Variants in SV2C observed in about 807,000 individuals in gnomAD.
The protein encoded by SV2C is synaptic vesicle glycoprotein 2C, also known as solute carrier family 22 member B3.
SV2C carries 49 observed loss-of-function variants against 79.7 expected under a neutral mutation model. That is an observed-to-expected ratio of 0.61 (90% CI 0.49 to 0.78). SV2C has a LOEUF of 0.78. Among genes scored for constraint, SV2C ranks in the 30% least tolerant of loss-of-function variants. SV2C has a pLI of 0.00. For synonymous variants in SV2C, 334 were observed against 333.2 expected (o/e 1.00, Z -0.03); for missense variants, 833 against 912.9 (o/e 0.91, Z 1.13).
At chr5:76,339,957 G>C (rs1319066804) in intron 12 of SV2C, among the ~76,000 whole-genome samples, 1 of 152,172 alleles carries the variant, frequency 6.6e-6, no homozygotes, top group Non-Finnish European at 1.5e-5. Flanking sequence ...GCTGACAGAA[G>C]ATACAGGTCA....
intron 10 of SV2C, among the ~76,000 whole-genome samples, chr5:76,299,336 T>TG (rs1312344553): frequency 2.0e-5 from 3 of 152,164 alleles, no homozygotes; most frequent in Admixed American, 1.3e-4. Flanking sequence ...ATCCATATAA[T>TG]GGGGTATTTT....
the SV2C span, among the ~76,000 whole-genome samples, chr5:76,023,348 C>T: frequency 1.3e-5 from 2 of 152,132 alleles, no homozygotes; most frequent in African/African-American, 2.4e-5. Flanking sequence ...GCTGCTCCTT[C>T]GTTTCCAAAG....
chr5:76,090,008 T>C (rs182026267), intron 1 of SV2C, among the ~76,000 whole-genome samples: 4 of 152,360 alleles, frequency 2.6e-5, no homozygotes. Context: ...GGATACCTTT[T>C]TGATGTATAA....
intron 4 of SV2C, chr5:76,281,205 A>G (rs1747183402): frequency 1.9e-6 from 1 of 532,832 alleles, no homozygotes. Context: ...CGACAAACAG[A>G]AAAGACAACA....
At chr5:76,130,523 T>C (rs74354145) in intron 1 of SV2C, among the ~76,000 whole-genome samples, 2,896 of 152,316 alleles carry the variant, frequency 0.019, 92 homozygotes, top group African/African-American at 0.066. Flanking sequence ...AATGCTGCCA[T>C]AGCTTAAGGC....
At chr5:76,303,803 T>C (rs1387992824) in intron 12 of SV2C, among the ~76,000 whole-genome samples, 1 of 152,294 alleles carries the variant, frequency 6.6e-6, no homozygotes, top group East Asian at 1.9e-4. Context: ...GATGTCAGGA[T>C]GGGATTAAAC....
At chr5:76,314,132 C>T (rs1192915227) in intron 12 of SV2C, among the ~76,000 whole-genome samples, 1 of 152,154 alleles carries the variant, frequency 6.6e-6, no homozygotes, top group Non-Finnish European at 1.5e-5. Flanking sequence ...ACATTGTCTT[C>T]CTTATTTACT....
the SV2C span, among the ~76,000 whole-genome samples, chr5:75,977,041 G>A: frequency 1.3e-5 from 2 of 152,138 alleles, no homozygotes; most frequent in African/African-American, 2.4e-5. Flanking sequence ...TATTGGAATG[G>A]AGAAAAATTA....
chr5:76,301,404 CG>C lies in SV2C; in HGVS notation c.1863del (p.Ile622SerfsTer14). 1.2e-6 allele frequency: 2 copies of C among 1,613,950 alleles called. No homozygotes were observed. The highest frequency in any genetic ancestry group is 1.7e-6 in the Non-Finnish European group (2 of 1,179,960). ...TTGGCAGGTGGCTCTATGGTGCTTT[CG>C]GGGATCAGCTGTTTCTTCCTTTGGT... is the stretch of plus-strand genomic sequence containing the variant. The part of the protein sequence containing the change: ...LTMLGGSMVL[S>X]GISCFFLWFG... On this transcript the variant is annotated frameshift_variant, in exon 12 of 13. Transcript: ENST00000502798. LOFTEE classifies it high-confidence loss of function.
intron 2 of SV2C, among the ~76,000 whole-genome samples, chr5:76,164,826 T>C (rs1743000603): frequency 6.6e-6 from 1 of 151,578 alleles, no homozygotes; most frequent in South Asian, 2.1e-4. Flanking sequence ...TCTACAGATA[T>C]CAAAATCCAC....
At chr5:75,884,613 G>A in the SV2C span, among the ~76,000 whole-genome samples, 1 of 151,868 alleles carries the variant, frequency 6.6e-6, no homozygotes, top group Non-Finnish European at 1.5e-5. Flanking sequence ...ACTAAATGAT[G>A]AACTTAAAAA....
the SV2C span, among the ~76,000 whole-genome samples, chr5:75,906,275 A>G: frequency 6.6e-6 from 1 of 152,098 alleles, no homozygotes; most frequent in Non-Finnish European, 1.5e-5. Context: ...CCTTTAAGCC[A>G]CTCGATTGGT....
chr5:76,016,299 G>T, the SV2C span, among the ~76,000 whole-genome samples: 22 of 135,506 alleles, frequency 1.6e-4, 1 homozygote, highest in South Asian at 5.3e-3. Context: ...ATAGGCTGTG[G>T]TTGTATCACA....
rs548280850 is a variant in SV2C, at chr5:76,295,819, C to A, written c.1379C>A (p.Pro460His). The A allele has an allele frequency of 3.1e-4, 504 of 1,612,882 alleles. 5 individuals are homozygous for A. The South Asian group carries it at 4.9e-3, about 16-fold the overall frequency. ...LSVWFPDVIK[P>H]LQSDEYALLT... is the part of the protein sequence containing the mutation. The stretch of plus-strand genomic sequence containing the variant: ...GTTTGGTTCCCTGATGTCATTAAAC[C>A]TCTGCAGTCCGATGAATATGCATTG... The change falls in exon 9 of 13, where the codon CCT becomes CAT. Residue 460 changes from proline to histidine, a missense_variant. Pro to His is a moderately conservative substitution (Grantham distance 77). Coordinates refer to ENST00000502798, the MANE Select transcript of SV2C (RefSeq NM_014979.4).
chr5:75,892,159 T>A, the SV2C span, among the ~76,000 whole-genome samples: 7 of 152,092 alleles, frequency 4.6e-5, no homozygotes, highest in African/African-American at 1.7e-4. Flanking sequence ...GCTAAAGGAA[T>A]CCATTTCTTC....
chr5:75,870,007 A>G, the SV2C span, among the ~76,000 whole-genome samples: 1 of 152,096 alleles, frequency 6.6e-6, no homozygotes, highest in Non-Finnish European at 1.5e-5. Flanking sequence ...GTCCTTTCAA[A>G]TACCTGGAAA....
intron 4 of SV2C, among the ~76,000 whole-genome samples, chr5:76,215,901 T>C (rs1176662123): frequency 6.7e-6 from 1 of 150,166 alleles, no homozygotes; most frequent in African/African-American, 2.5e-5. Flanking sequence ...TGTCGCCGTT[T>C]AGTAATTAGG....
chr5:76,040,643 A>G, the SV2C span, among the ~76,000 whole-genome samples: 4 of 152,172 alleles, frequency 2.6e-5, no homozygotes, highest in African/African-American at 9.7e-5. Flanking sequence ...TTTAGACCCC[A>G]GTTGCTTCTT....
At chr5:76,260,491 G>T (rs895667124) in intron 4 of SV2C, among the ~76,000 whole-genome samples, 2 of 152,076 alleles carry the variant, frequency 1.3e-5, no homozygotes, top group African/African-American at 4.8e-5. Flanking sequence ...AATTGCTTTT[G>T]GTGCTTTAGT....
Sources: allele counts gnomAD v4.1 joint callset (sites outside exome capture counted in the v4.1 genomes callset), GRCh38; gene constraint gnomAD v4.1.1; transcripts MANE v1.5; gene names NCBI Gene and HGNC (gene_info 2026-07-23, HGNC 2026-07-21).